Variants in OPCML observed in about 807,000 individuals in gnomAD.
OPCML encodes opioid-binding protein/cell adhesion molecule.
Under a neutral mutation model 37.8 loss-of-function variants are expected in OPCML, and 13 were observed. The observed-to-expected ratio is 0.34, with a 90% CI of 0.22 to 0.55. The LOEUF is 0.55. Among genes scored for constraint, OPCML ranks in the 20% least tolerant of loss-of-function variants. OPCML has a pLI of 0.91. For synonymous variants in OPCML, 176 were observed against 168.8 expected, an observed-to-expected ratio of 1.04 and a Z score of -0.33; for missense variants, 341 against 435.6, an observed-to-expected ratio of 0.78 and a Z score of 1.93.
chr11:133,429,707 T>C lies in OPCML; in HGVS notation c.61+102557A>G, dbSNP rs376071993. On this transcript the variant is annotated intron_variant, in intron 1 of 7. Coordinates refer to ENST00000524381, the MANE Select transcript of OPCML (RefSeq NM_001012393.5). The stretch of plus-strand genomic sequence containing the variant: ...AGAAGGGTCAAGAGTGACTCCTAAA[T>C]GTTTGATCTGAGCACCTGAAGGATG... 2.0e-5 allele frequency among the ~76,000 whole-genome samples: 3 copies of C among 152,260 alleles called. No homozygotes were observed. In the East Asian group the frequency reaches 5.8e-4, roughly 29 times the overall value.
At chr11:132,732,063 T>G (rs919638614) in intron 2 of OPCML, among the ~76,000 whole-genome samples, 1 of 152,172 alleles carries the variant, frequency 6.6e-6, no homozygotes, top group African/African-American at 2.4e-5. Context: ...CCAAAGAGAA[T>G]TATCAGTTCT....
intron 3 of OPCML, among the ~76,000 whole-genome samples, chr11:132,601,005 T>C (rs923716744): frequency 6.6e-6 from 1 of 152,110 alleles, no homozygotes; most frequent in African/African-American, 2.4e-5. Flanking sequence ...CAGTTAACAT[T>C]AATCAAATTT....
intron 2 of OPCML, among the ~76,000 whole-genome samples, chr11:132,854,630 T>C (rs1187385252): frequency 1.3e-5 from 2 of 152,320 alleles, no homozygotes; most frequent in East Asian, 3.9e-4. Context: ...GAAACAAGGA[T>C]AAAAACTAAA....
chr11:132,516,972 G>C (rs943285130), intron 4 of OPCML, among the ~76,000 whole-genome samples: 45 of 152,036 alleles, frequency 3.0e-4, no homozygotes, highest in African/African-American at 1.1e-3. Flanking sequence ...GGAGACAGTG[G>C]GCTTGAAAAG....
chr11:133,021,814 C>T (rs1452309120), intron 1 of OPCML, among the ~76,000 whole-genome samples: 1 of 40,282 alleles, frequency 2.5e-5, no homozygotes, highest in African/African-American at 1.8e-4. Flanking sequence ...AGCACACCCT[C>T]AATCGTTGGC....
chr11:133,496,444 G>T (rs1947789111), intron 1 of OPCML, among the ~76,000 whole-genome samples: 1 of 152,010 alleles, frequency 6.6e-6, no homozygotes, highest in Non-Finnish European at 1.5e-5. Flanking sequence ...AAGAAGGATG[G>T]TGGTATTTTG....
chr11:132,433,185 T>C (rs1255980113), intron 7 of OPCML, among the ~76,000 whole-genome samples: 1 of 152,074 alleles, frequency 6.6e-6, no homozygotes, highest in Non-Finnish European at 1.5e-5. Context: ...GGCAGGCATA[T>C]GGGGGGAAGA....
intron 2 of OPCML, among the ~76,000 whole-genome samples, chr11:132,931,355 A>G (rs560082634): frequency 6.6e-6 from 1 of 152,316 alleles, no homozygotes; most frequent in South Asian, 2.1e-4. Flanking sequence ...TTCTTCATCA[A>G]AAGACACTAT....
rs1402255237 is a variant in OPCML, at chr11:133,532,444, G to A, written c.-120C>T. On this transcript the variant is annotated 5_prime_UTR_variant, in exon 1 of 8. Transcript: ENST00000524381. ...TAAATCCAATGTTTGCAAAGGGAGG[G>A]AGAGAGCAGAAGAGAGAGAGAGCGC... The A allele has an allele frequency of 1.4e-5, 18 of 1,258,420 alleles. No homozygotes were observed. Among genetic ancestry groups the A allele is most frequent in the Non-Finnish European group, 1.9e-5 (17 of 887,932 alleles). The allele number at this position is 1,258,420 out of a possible 1,614,324, so 78.0% of individuals were successfully genotyped here.
intron 3 of OPCML, among the ~76,000 whole-genome samples, chr11:132,616,046 AAG>A (rs1022854227): frequency 5.3e-5 from 8 of 152,216 alleles, no homozygotes; most frequent in Non-Finnish European, 1.2e-4. Context: ...TGGGCAAAAA[AAG>A]ATACCTCAGG....
chr11:132,493,532 C>G (rs779936249), intron 4 of OPCML, among the ~76,000 whole-genome samples: 4 of 152,132 alleles, frequency 2.6e-5, no homozygotes, highest in Non-Finnish European at 5.9e-5. Flanking sequence ...GTCCACGTCC[C>G]TTTATAGCTT....
At chr11:133,182,105 GATGCTACCCCTA>G (rs1489903157) in intron 1 of OPCML, among the ~76,000 whole-genome samples, 1 of 152,174 alleles carries the variant, frequency 6.6e-6, no homozygotes, top group Admixed American at 6.5e-5. Flanking sequence ...AACAAAACGT[GATGCTACCCCTA>G]ATGCTAAATA....
chr11:133,292,225 A>G (rs1290722829), intron 1 of OPCML, among the ~76,000 whole-genome samples: 4 of 152,244 alleles, frequency 2.6e-5, no homozygotes, highest in African/African-American at 7.2e-5. Context: ...AAGGGAGGGG[A>G]AAAAAGAGAG....
At chr11:133,453,840 T>C (rs1467655379) in intron 1 of OPCML, among the ~76,000 whole-genome samples, 1 of 152,178 alleles carries the variant, frequency 6.6e-6, no homozygotes, top group Admixed American at 6.5e-5. Context: ...GCAAAATAAA[T>C]ATGAATGTTT....
intron 2 of OPCML, among the ~76,000 whole-genome samples, chr11:132,685,897 G>T (rs138309575): frequency 6.6e-6 from 1 of 152,176 alleles, no homozygotes. Context: ...AATGGCATCT[G>T]CAGTGTGTAA....
chr11:132,682,344 AG>A (rs1240390895), intron 2 of OPCML, among the ~76,000 whole-genome samples: 2 of 152,216 alleles, frequency 1.3e-5, no homozygotes, highest in Non-Finnish European at 2.9e-5. Context: ...TGTTTCTTAG[AG>A]GAAGGAAGGA....
At chr11:132,532,695 A>G (rs961571505) in intron 3 of OPCML, among the ~76,000 whole-genome samples, 1 of 152,034 alleles carries the variant, frequency 6.6e-6, no homozygotes, top group African/African-American at 2.4e-5. Flanking sequence ...TTCCCAGAGC[A>G]TCTCCCCTCC....
chr11:133,212,557 C>T lies in OPCML; in HGVS notation c.62-269547G>A, dbSNP rs1343891921. On this transcript the variant is annotated intron_variant, in intron 1 of 7. Coordinates refer to ENST00000524381, the MANE Select transcript of OPCML (RefSeq NM_001012393.5). This position sits in a 1 kb window ranked among gnomAD's most constrained non-coding sequence, Gnocchi z 4.9. Reference sequence around the variant, plus strand: ...AAGTTGTAACCTACTCTGCTCACCCCGCTGCACTCTTGATCTCCCTTACTC... The same window carrying T: ...AAGTTGTAACCTACTCTGCTCACCCTGCTGCACTCTTGATCTCCCTTACTC... Among the ~76,000 whole-genome samples the T allele has an allele frequency of 8.5e-5, 13 of 152,194 alleles. No individual in the cohort carries two copies. Among genetic ancestry groups the T allele is most frequent in the Admixed American group, 1.3e-4 (2 of 15,280 alleles).
intron 2 of OPCML, among the ~76,000 whole-genome samples, chr11:132,671,452 T>C (rs918699247): frequency 2.0e-5 from 3 of 152,156 alleles, no homozygotes; most frequent in Non-Finnish European, 4.4e-5. Context: ...TTGCTGCTTT[T>C]AATTTGTGTC....
Sources: gnomAD v4.1 joint callset for allele counts (sites outside exome capture counted in the v4.1 genomes callset) on GRCh38, gnomAD v4.1.1 for gene constraint, Gnocchi (gnomAD v3.1) non-coding constraint, MANE v1.5 for transcripts, NCBI Gene and HGNC (gene_info 2026-07-23, HGNC 2026-07-21) for gene names.